The following LMX1A variants were observed in gnomAD, a reference collection of about 807,000 sequenced individuals.
LMX1A encodes the protein LIM homeobox transcription factor 1 alpha.
A neutral mutation model predicts 49.1 loss-of-function variants in LMX1A; 15 were observed. That is an observed-to-expected ratio of 0.31 (90% CI 0.20 to 0.47). The LOEUF (loss-of-function observed/expected upper bound fraction) is 0.47. Among genes scored for constraint, LMX1A ranks in the 20% least tolerant of loss-of-function variants. LMX1A has a pLI of 1.00. For synonymous variants in LMX1A, 167 were observed against 185.7 expected, an observed-to-expected ratio of 0.90 and a Z score of 0.82; for missense variants, 372 against 475.8, an observed-to-expected ratio of 0.78 and a Z score of 2.03.
intron 4 of LMX1A, among the ~76,000 whole-genome samples, chr1:165,236,461 G>A (rs544872382): frequency 1.8e-4 from 28 of 151,788 alleles, no homozygotes; most frequent in Admixed American, 3.3e-4. Flanking sequence ...CAAATACAGG[G>A]CACATCATTA....
At chr1:165,291,840 G>T (rs1301208082) in intron 3 of LMX1A, among the ~76,000 whole-genome samples, 3 of 152,018 alleles carry the variant, frequency 2.0e-5, no homozygotes, top group Non-Finnish European at 4.4e-5. Context: ...GAGACGGGCG[G>T]ATCACAAGGT....
intron 3 of LMX1A, among the ~76,000 whole-genome samples, chr1:165,280,481 A>G (rs1654113026): frequency 6.6e-6 from 1 of 152,124 alleles, no homozygotes; most frequent in Non-Finnish European, 1.5e-5. Context: ...TCTATGTCTC[A>G]CCATTGTGAC....
At chr1:165,331,847 G>A (rs1311943159) in intron 3 of LMX1A, among the ~76,000 whole-genome samples, 2 of 152,146 alleles carry the variant, frequency 1.3e-5, no homozygotes, top group Non-Finnish European at 2.9e-5. Flanking sequence ...AACCCAGGAG[G>A]TGGAAGTTGC....
chr1:165,287,441 C>A (rs1297465962), intron 3 of LMX1A, among the ~76,000 whole-genome samples: 1 of 152,156 alleles, frequency 6.6e-6, no homozygotes, highest in Non-Finnish European at 1.5e-5. Flanking sequence ...AAAAGGGAGG[C>A]GGTGACAAGA....
intron 3 of LMX1A, among the ~76,000 whole-genome samples, chr1:165,305,541 G>T (rs1257458984): frequency 6.6e-6 from 1 of 152,182 alleles, no homozygotes; most frequent in African/African-American, 2.4e-5. Flanking sequence ...GAGGGGCTAA[G>T]TATCATGAAG....
At chr1:165,236,856 T>TG (rs1403719005) in intron 4 of LMX1A, among the ~76,000 whole-genome samples, 1 of 151,586 alleles carries the variant, frequency 6.6e-6, no homozygotes, top group African/African-American at 2.4e-5. Flanking sequence ...TTCAAAGTTT[T>TG]TTTTTTTTTT....
Position 165,247,054 on chromosome 1 carries a change from C to CTTTTTTTTTCTTTTTTTTTTTT in LMX1A, c.496+2353_496+2354insAAAAAAAAAAAAGAAAAAAAAA, listed in dbSNP as rs1652876638. On this transcript the variant is annotated intron_variant, in intron 4 of 8. Transcript: ENST00000342310. The stretch of plus-strand genomic sequence containing the variant: ...GTTACTTAGATCAGATCAGCTTTTT[C>CTTTTTTTTTCTTTTTTTTTTTT]TTTTTTTTTTTTTTTTTTTTTTTTT... Among the ~76,000 whole-genome samples, 37 of 53,228 alleles carry CTTTTTTTTTCTTTTTTTTTTTT rather than the reference C, an allele frequency of 7.0e-4. 1 individual carries two copies. Among genetic ancestry groups the CTTTTTTTTTCTTTTTTTTTTTT allele is most frequent in the African/African-American group, 2.7e-3 (37 of 13,916 alleles). 34.9% of individuals were successfully genotyped at this position (53,228 alleles called of 152,430 possible).
chr1:165,297,354 A>G (rs1465239976), intron 3 of LMX1A, among the ~76,000 whole-genome samples: 4 of 152,258 alleles, frequency 2.6e-5, no homozygotes, highest in Non-Finnish European at 4.4e-5. Context: ...GGCAGGGGCT[A>G]GGCATTAGTA....
intron 8 of LMX1A, 115 bp downstream of exon 8, chr1:165,205,749 A>G (rs1397709975): frequency 2.1e-6 from 2 of 972,632 alleles, no homozygotes; most frequent in African/African-American, 1.7e-5. Flanking sequence ...TGTAGGGCAC[A>G]TTATTCTGCT....
At chr1:165,353,865 T>C (rs1456260565) in intron 2 of LMX1A, among the ~76,000 whole-genome samples, 1 of 152,072 alleles carries the variant, frequency 6.6e-6, no homozygotes, top group African/African-American at 2.4e-5. Flanking sequence ...ATATTGCACA[T>C]GGGTTTTTGA....
intron 3 of LMX1A, among the ~76,000 whole-genome samples, chr1:165,307,133 G>A (rs1170536099): frequency 6.6e-6 from 1 of 152,218 alleles, no homozygotes; most frequent in African/African-American, 2.4e-5. Flanking sequence ...CAAATGGCAG[G>A]AAACTCTTTG....
At chr1:165,275,275 G>C (rs1213052349) in intron 3 of LMX1A, among the ~76,000 whole-genome samples, 1 of 152,162 alleles carries the variant, frequency 6.6e-6, no homozygotes, top group Admixed American at 6.5e-5. Flanking sequence ...TTTGCTTCTG[G>C]GTCCCTCGAG....
At chr1:165,307,501 C>A (rs1358913599) in intron 3 of LMX1A, among the ~76,000 whole-genome samples, 1 of 152,170 alleles carries the variant, frequency 6.6e-6, no homozygotes, top group Non-Finnish European at 1.5e-5. Context: ...GGGGCCTATG[C>A]CACAGGCAGA....
intron 4 of LMX1A, among the ~76,000 whole-genome samples, chr1:165,239,557 A>T (rs1421554184): frequency 2.6e-5 from 4 of 152,224 alleles, no homozygotes; most frequent in Admixed American, 2.6e-4. Flanking sequence ...CCTCAAACTA[A>T]GAGCAACAAA....
chr1:165,324,224 G>A (rs762429550), intron 3 of LMX1A, among the ~76,000 whole-genome samples: 18 of 152,336 alleles, frequency 1.2e-4, no homozygotes, highest in African/African-American at 3.8e-4. Flanking sequence ...ACTAGTCAGC[G>A]TGTGAAAACT....
intron 3 of LMX1A, among the ~76,000 whole-genome samples, chr1:165,339,860 A>G (rs1656017103): frequency 6.6e-6 from 1 of 151,872 alleles, no homozygotes; most frequent in Non-Finnish European, 1.5e-5. Flanking sequence ...TGGATCTTCA[A>G]CTTCCTTCCT....
intron 4 of LMX1A, among the ~76,000 whole-genome samples, chr1:165,245,540 TC>T (rs1222268020): frequency 2.0e-4 from 4 of 19,576 alleles, no homozygotes; most frequent in Non-Finnish European, 4.2e-4. Context: ...AGCTAATTAC[TC>T]TCCTCAAGAT....
At chr1:165,275,626 G>C (rs74118542) in intron 3 of LMX1A, among the ~76,000 whole-genome samples, 2,436 of 152,176 alleles carry the variant, frequency 0.016, 63 homozygotes, top group African/African-American at 0.055. Flanking sequence ...TATTTCTATA[G>C]CAAATCAATT....
intron 4 of LMX1A, among the ~76,000 whole-genome samples, chr1:165,242,719 A>T (rs1305945206): frequency 2.1e-5 from 3 of 143,914 alleles, no homozygotes; most frequent in South Asian, 2.2e-4. Context: ...TACTAAAAAT[A>T]AAAAAAAAAA....
Sources: gnomAD v4.1 joint callset for allele counts (sites outside exome capture counted in the v4.1 genomes callset) on GRCh38, gnomAD v4.1.1 for gene constraint, MANE v1.5 for transcripts, NCBI Gene and HGNC (gene_info 2026-07-23, HGNC 2026-07-21) for gene names.